GLCCI1: variants seen among roughly 807,000 people sequenced by gnomAD.
GLCCI1 encodes the protein glucocorticoid-induced transcript 1 protein.
A neutral mutation model predicts 52.2 loss-of-function variants in GLCCI1; 24 were observed. The ratio of observed to expected loss-of-function variants is 0.46; its 90% confidence interval spans 0.33 to 0.65. The LOEUF (loss-of-function observed/expected upper bound fraction) is 0.65, where lower values mean the gene tolerates loss of function less well. GLCCI1 is among the 30% of genes least tolerant of loss of function. GLCCI1 has a pLI of 0.02. For missense variants in GLCCI1, 704 were observed against 701.5 expected (o/e 1.00, Z -0.04); for synonymous variants, 310 against 276.5 (o/e 1.12, Z -1.20).
In GLCCI1 at chr7:8,079,334, G is replaced by A. The variant is rs1782944204; in HGVS notation, c.1178-5563G>A. ...GGAAATTTTGCCATTTAATAAACTT[G>A]ACAATATAAAAATTAAGATTGTATT... On this transcript the variant is annotated intron_variant, in intron 6 of 7. Coordinates refer to ENST00000223145, the MANE Select transcript of GLCCI1 (RefSeq NM_138426.4). Among the ~76,000 whole-genome samples, 3 of 146,204 alleles carry A rather than the reference G, an allele frequency of 2.1e-5. No individual in the cohort carries two copies. The South Asian group carries it at 6.3e-4, about 30-fold the overall frequency.
intron 4 of GLCCI1, chr7:8,055,899 A>G (rs563351197): frequency 1.2e-5 from 2 of 166,708 alleles, no homozygotes; most frequent in South Asian, 1.4e-4. Context: ...AGGCTGAGGC[A>G]GCAGAATGGT....
intron 3 of GLCCI1, among the ~76,000 whole-genome samples, chr7:8,055,207 C>T (rs1294564960): frequency 1.3e-5 from 2 of 152,022 alleles, no homozygotes; most frequent in Admixed American, 6.5e-5. Context: ...GCATATTTAC[C>T]AATAACACTA....
chr7:8,053,926 T>G (rs1337499120), intron 3 of GLCCI1, among the ~76,000 whole-genome samples: 1 of 152,186 alleles, frequency 6.6e-6, no homozygotes, highest in Non-Finnish European at 1.5e-5. Flanking sequence ...TAATGTAGGC[T>G]TTTTGTCTTC....
intron 2 of GLCCI1, among the ~76,000 whole-genome samples, chr7:8,014,620 C>T (rs1781339414): frequency 6.6e-6 from 1 of 152,150 alleles, no homozygotes. Flanking sequence ...TAGCATAACA[C>T]AGTATAAATA....
chr7:7,995,138 C>T (rs1780915067), intron 1 of GLCCI1, among the ~76,000 whole-genome samples: 1 of 152,254 alleles, frequency 6.6e-6, no homozygotes, highest in South Asian at 2.1e-4. Flanking sequence ...TATTTGTTGC[C>T]TTTATTTCTT....
intron 1 of GLCCI1, among the ~76,000 whole-genome samples, chr7:7,995,724 G>A (rs1005644144): frequency 3.3e-5 from 5 of 152,098 alleles, no homozygotes; most frequent in Non-Finnish European, 5.9e-5. Context: ...ACACAGGAAG[G>A]GGAACATCAC....
intron 3 of GLCCI1, among the ~76,000 whole-genome samples, chr7:8,047,616 T>C (rs566959969): frequency 3.3e-5 from 5 of 152,356 alleles, no homozygotes; most frequent in South Asian, 2.1e-4. Context: ...ATGAGTAAGA[T>C]TGTATGCTCA....
chr7:8,044,451 C>T (rs1782076150), intron 3 of GLCCI1, among the ~76,000 whole-genome samples: 1 of 151,762 alleles, frequency 6.6e-6, no homozygotes, highest in Admixed American at 6.6e-5. Flanking sequence ...TCACTGCGGC[C>T]TCGACCTCCT....
At chr7:8,028,572 C>G (rs1781678573) in intron 3 of GLCCI1, among the ~76,000 whole-genome samples, 1 of 151,610 alleles carries the variant, frequency 6.6e-6, no homozygotes, top group Non-Finnish European at 1.5e-5. Flanking sequence ...CAAGAGCAAA[C>G]CAAACTGAAA....
At chr7:8,079,170 C>T (rs1782938076) in intron 6 of GLCCI1, among the ~76,000 whole-genome samples, 1 of 151,714 alleles carries the variant, frequency 6.6e-6, no homozygotes, top group African/African-American at 2.4e-5. Context: ...ATGTATAATG[C>T]ACTGATTTTT....
At chr7:8,027,166 A>T (rs73242083) in intron 3 of GLCCI1, among the ~76,000 whole-genome samples, 67 of 152,348 alleles carry the variant, frequency 4.4e-4, no homozygotes, top group African/African-American at 1.6e-3. Flanking sequence ...ATCCTAGAGA[A>T]ACAGAGATAT....
rs1204637674 is a variant in GLCCI1 at position 8,088,851 on chromosome 7, CAGA to C, written c.*2316_*2318del. 5 of 152,600 alleles carry C rather than the reference CAGA, an allele frequency of 3.3e-5. No individual in the cohort carries two copies. The highest frequency in any genetic ancestry group is 7.3e-5 in the Non-Finnish European group (5 of 68,042). The allele number at this position is 152,600 out of a possible 1,614,324, so 9.5% of individuals were successfully genotyped here. Reference sequence around the variant, plus strand: ...CTTACGCTTTGCCATGTAAATTTCCCAGAAGTTGTTGAGCTCAAATGTATCCTA... The same window carrying C: ...CTTACGCTTTGCCATGTAAATTTCCCAGTTGTTGAGCTCAAATGTATCCTA... On this transcript the variant is annotated 3_prime_UTR_variant, in exon 8 of 8. Coordinates refer to ENST00000223145, the MANE Select transcript of GLCCI1 (RefSeq NM_138426.4).
intron 2 of GLCCI1, among the ~76,000 whole-genome samples, chr7:8,010,875 T>C (rs1218417151): frequency 3.3e-5 from 5 of 152,206 alleles, no homozygotes; most frequent in African/African-American, 1.2e-4. Flanking sequence ...CTTTTTCCAT[T>C]TGATGGATCA....
chr7:8,077,558 A>C (rs543895402), intron 6 of GLCCI1, among the ~76,000 whole-genome samples: 1 of 152,356 alleles, frequency 6.6e-6, no homozygotes, highest in African/African-American at 2.4e-5. Flanking sequence ...CAAGCTACTC[A>C]ATCGATCTGT....
intron 6 of GLCCI1, among the ~76,000 whole-genome samples, chr7:8,077,851 C>A (rs1253158823): frequency 6.6e-6 from 1 of 152,102 alleles, no homozygotes; most frequent in South Asian, 2.1e-4. Context: ...TGAAAGGGCC[C>A]GGTGTGTACA....
At chr7:8,035,980 T>C (rs1449890249) in intron 3 of GLCCI1, among the ~76,000 whole-genome samples, 1 of 152,172 alleles carries the variant, frequency 6.6e-6, no homozygotes, top group Non-Finnish European at 1.5e-5. Context: ...TGAGCAGAGA[T>C]CTCAGGCTAC....
chr7:7,988,577 G>T (rs1780782072), intron 1 of GLCCI1, among the ~76,000 whole-genome samples: 3 of 151,932 alleles, frequency 2.0e-5, no homozygotes, highest in Admixed American at 1.3e-4. Context: ...TGTCTTTTAG[G>T]GGTAGATACG....
At chr7:8,007,332 G>A (rs1189255219) in intron 2 of GLCCI1, among the ~76,000 whole-genome samples, 1 of 152,118 alleles carries the variant, frequency 6.6e-6, no homozygotes, top group Non-Finnish European at 1.5e-5. Flanking sequence ...TATGTAATAT[G>A]TACTACGTAC....
intron 3 of GLCCI1, among the ~76,000 whole-genome samples, chr7:8,040,352 G>T (rs1296616418): frequency 6.6e-6 from 1 of 151,980 alleles, no homozygotes; most frequent in African/African-American, 2.4e-5. Context: ...TGGGCATGGT[G>T]GTGTGTGCCT....
Sources: gnomAD v4.1 joint callset for allele counts (sites outside exome capture counted in the v4.1 genomes callset) on GRCh38, gnomAD v4.1.1 for gene constraint, MANE v1.5 for transcripts, NCBI Gene and HGNC (gene_info 2026-07-23, HGNC 2026-07-21) for gene names.